The following ZNF571 variants were observed in gnomAD, a reference collection of about 807,000 sequenced individuals.
ZNF571 encodes the protein zinc finger protein 571.
A neutral mutation model predicts 7.7 loss-of-function variants in ZNF571; 4 were observed. The ratio of observed to expected loss-of-function variants is 0.52; its 90% CI spans 0.25 to 1.18. The LOEUF is 1.18. Ranked by LOEUF, ZNF571 falls within the 50% of genes most tolerant of loss-of-function variation. The pLI is 0.14. For synonymous variants in ZNF571, 251 were observed against 232.4 expected (o/e 1.08, Z -0.73); for missense variants, 704 against 726.9 (o/e 0.97, Z 0.36).
intron 1 of ZNF571, 89 bp from the exon 2 acceptor site, chr19:37,586,834 G>C: frequency 2.6e-6 from 2 of 763,970 alleles, no homozygotes; most frequent in Non-Finnish European, 4.3e-6. Flanking sequence ...CTCCTCTTTT[G>C]GGAATTTGGA....
At chr19:37,570,429 C>T (rs369935723) in intron 3 of ZNF571, among the ~76,000 whole-genome samples, 29 of 152,248 alleles carry the variant, frequency 1.9e-4, no homozygotes, top group Middle Eastern at 3.4e-3. Flanking sequence ...TAACCTCTCC[C>T]AAGATAGACA....
At position 37,564,480 on chromosome 19, in the gene ZNF571, T is replaced by C; in HGVS notation, c.*118A>G. On this transcript the variant is annotated 3_prime_UTR_variant, in exon 4 of 4. Coordinates refer to ENST00000451802, the MANE Select transcript of ZNF571 (RefSeq NM_016536.5). ...GGTTTCTGAAATTATTCTGCATCCA[T>C]GTTAATGTAGGCCTTCTAAGAATGA... 1 of 866,632 alleles carries C rather than the reference T, an allele frequency of 1.2e-6. No homozygotes were observed. The highest frequency in any genetic ancestry group is 1.6e-6 in the Non-Finnish European group (1 of 613,534). 53.7% of individuals were successfully genotyped at this position (866,632 alleles called of 1,614,324 possible). A position where few individuals can be genotyped will look rare whatever the true frequency, so the allele number is the denominator to read the frequency against.
At chr19:37,593,904 G>A (rs1243681364) in intron 1 of ZNF571, among the ~76,000 whole-genome samples, 1 of 152,058 alleles carries the variant, frequency 6.6e-6, no homozygotes, top group Non-Finnish European at 1.5e-5. Context: ...GGTAGAAAAC[G>A]TTTCGGAAAG....
At chr19:37,584,428 C>A (rs757273475) in intron 2 of ZNF571, among the ~76,000 whole-genome samples, 35 of 152,194 alleles carry the variant, frequency 2.3e-4, no homozygotes, top group Non-Finnish European at 4.3e-4. Flanking sequence ...TCCTCAATAA[C>A]TAATATACTC....
At chr19:37,582,262 C>T (rs1309399341) in intron 3 of ZNF571, among the ~76,000 whole-genome samples, 1 of 152,116 alleles carries the variant, frequency 6.6e-6, no homozygotes, top group Non-Finnish European at 1.5e-5. Context: ...TCAGGGTCAC[C>T]AACACCCTTC....
chr19:37,586,754 G>C lies in ZNF571; in HGVS notation c.-69-9C>G. 6.6e-7 allele frequency: 1 copy of C among 1,523,136 alleles called. No individual in the cohort carries two copies. The highest frequency in any genetic ancestry group is 9.0e-7 in the Non-Finnish European group (1 of 1,109,078). The allele number at this position is 1,523,136 out of a possible 1,614,324, so 94.4% of individuals were successfully genotyped here. On this transcript the variant is annotated splice_polypyrimidine_tract_variant and intron_variant, in intron 1 of 3. Coordinates refer to ENST00000451802, the MANE Select transcript of ZNF571 (RefSeq NM_016536.5). ...GTCCAGAGAAGCCAGTGCTGGACAA[G>C]GAAAAGAAGCCACAAGATTAGACTT...
chr19:37,584,153 T>G, intron 2 of ZNF571, 56 bp from the exon 3 acceptor site: 1 of 1,608,916 alleles, frequency 6.2e-7, no homozygotes, highest in Middle Eastern at 1.7e-4. Context: ...TGAAGTGAAA[T>G]GAGAAGAAAA....
Position 37,565,540 on chromosome 19 carries a change from G to A in ZNF571, c.888C>T (p.Tyr296=). 6.2e-7 allele frequency: 1 copy of A among 1,600,946 alleles called. No homozygotes were observed. The highest frequency in any genetic ancestry group is 1.1e-5 in the South Asian group (1 of 89,762). The stretch of plus-strand genomic sequence containing the variant: ...TCTCACCACTATGAATTCTCTGATG[G>A]TAAGTAAGTTGAGAGCCAAGAATAA... ...KAFILGSQLT[Y]HQRIHSGEKP... The change falls in exon 4 of 4, where the codon TAC becomes TAT. Residue 296 remains tyrosine (Y), a synonymous_variant. Coordinates refer to ENST00000451802, the MANE Select transcript of ZNF571 (RefSeq NM_016536.5).
intron 1 of ZNF571, among the ~76,000 whole-genome samples, chr19:37,592,585 A>T (rs1476031625): frequency 6.6e-6 from 1 of 152,238 alleles, no homozygotes; most frequent in Admixed American, 6.5e-5. Context: ...AAAGGAAAGG[A>T]TTAAATGGAC....
intron 1 of ZNF571, among the ~76,000 whole-genome samples, chr19:37,588,597 C>A (rs890245808): frequency 2.0e-5 from 3 of 152,192 alleles, no homozygotes; most frequent in Non-Finnish European, 4.4e-5. Context: ...AACCTACCTA[C>A]CTATCAGGTA....
chr19:37,586,823 TCTC>T (rs1338561812), intron 1 of ZNF571, 78 bp from the exon 2 acceptor site: 1 of 821,262 alleles, frequency 1.2e-6, no homozygotes, highest in Non-Finnish European at 1.9e-6. Context: ...TACCTTTACT[TCTC>T]CTCTTTTGGG....
chr19:37,592,749 T>C (rs527396602), intron 1 of ZNF571, among the ~76,000 whole-genome samples: 6 of 152,356 alleles, frequency 3.9e-5, no homozygotes, highest in Admixed American at 2.6e-4. Flanking sequence ...CCTCTAGATC[T>C]AACTGCCTGT....
chr19:37,577,480 TATC>T (rs2043282896), intron 3 of ZNF571, among the ~76,000 whole-genome samples: 1 of 152,170 alleles, frequency 6.6e-6, no homozygotes, highest in Admixed American at 6.5e-5. Flanking sequence ...ACAGAAAAAG[TATC>T]ATAATGCAAA....
At chr19:37,589,864 C>CAA (rs60136941) in intron 1 of ZNF571, among the ~76,000 whole-genome samples, 875 of 29,528 alleles carry the variant, frequency 0.03, 222 homozygotes, top group Middle Eastern at 0.071. Flanking sequence ...GACTCCATCT[C>CAA]AAAAAAAAAA....
At chr19:37,590,364 C>T (rs1045962938) in intron 1 of ZNF571, among the ~76,000 whole-genome samples, 1 of 151,964 alleles carries the variant, frequency 6.6e-6, no homozygotes, top group Middle Eastern at 3.2e-3. Flanking sequence ...TTGCAGTGAG[C>T]CAAGATCTCG....
chr19:37,592,885 A>G (rs941026907), intron 1 of ZNF571, among the ~76,000 whole-genome samples: 13 of 152,352 alleles, frequency 8.5e-5, no homozygotes, highest in South Asian at 8.3e-4. Context: ...AACAGCACCA[A>G]TTAAACCAAA....
In ZNF571 at chr19:37,565,002, A is replaced by G; in HGVS notation, c.1426T>C (p.Cys476Arg). 3.7e-6 allele frequency: 6 copies of G among 1,613,924 alleles called. No homozygotes were observed. The highest frequency in any genetic ancestry group is 1.3e-5 in the African/African-American group (1 of 75,016). The part of the protein sequence containing the change: ...EKIHGEKHYE[C>R]KECGKTFVRA... The stretch of plus-strand genomic sequence containing the variant: ...ACAAAGGTCTTCCCACATTCCTTAC[A>G]TTCATAATGTTTCTCACCATGAATT... Residue 476 changes from cysteine (C) to arginine (R), a missense_variant, in exon 4 of 4, where the codon TGT becomes CGT. Coordinates refer to ENST00000451802, the MANE Select transcript of ZNF571 (RefSeq NM_016536.5).
chr19:37,575,030 T>C (rs1429504500), intron 3 of ZNF571, among the ~76,000 whole-genome samples: 1 of 152,230 alleles, frequency 6.6e-6, no homozygotes, highest in Non-Finnish European at 1.5e-5. Context: ...GTTATTCACA[T>C]AATTATAAAT....
In ZNF571 at chr19:37,564,949, TTGA is replaced by T. The variant is rs1194351547; in HGVS notation, c.1476_1478del (p.His492del). On this transcript the variant is annotated inframe_deletion, in exon 4 of 4. Coordinates refer to ENST00000451802, the MANE Select transcript of ZNF571 (RefSeq NM_016536.5). ...AGGGCTTTTCACCTGTATGAATTCT[TTGA>T]TGATATGTAAGTTGTGTAGCACGTA... The T allele has an allele frequency of 1.9e-6, 3 of 1,613,742 alleles. No homozygotes were observed. Among genetic ancestry groups the T allele is most frequent in the Non-Finnish European group, 2.5e-6 (3 of 1,179,904 alleles).
Sources: gnomAD v4.1 joint callset for allele counts (sites outside exome capture counted in the v4.1 genomes callset) on GRCh38, gnomAD v4.1.1 for gene constraint, MANE v1.5 for transcripts, NCBI Gene and HGNC (gene_info 2026-07-23, HGNC 2026-07-21) for gene names.